Variants in KAZN observed in about 807,000 individuals in gnomAD.
KAZN encodes the protein kazrin, periplakin interacting protein.
A neutral mutation model predicts 87.4 loss-of-function variants in KAZN; 40 were observed. That is an observed-to-expected ratio of 0.46 (90% CI 0.36 to 0.60). KAZN has a LOEUF of 0.60. KAZN is among the 20% of genes least tolerant of loss of function. The pLI, the probability that KAZN is intolerant of heterozygous loss-of-function variation, is 0.00. For missense variants in KAZN, 898 were observed against 1,073.9 expected (o/e 0.84, Z 2.29); for synonymous variants, 466 against 458.3 (o/e 1.02, Z -0.22).
chr1:14,335,091 C>T (rs1657137622), intron 2 of KAZN, among the ~76,000 whole-genome samples: 1 of 144,112 alleles, frequency 6.9e-6, no homozygotes, highest in Admixed American at 7.4e-5. Context: ...GCGGATCCCT[C>T]ATGAATGACT....
chr1:14,399,394 T>C (rs1425393312), intron 2 of KAZN, among the ~76,000 whole-genome samples: 3 of 152,118 alleles, frequency 2.0e-5, no homozygotes, highest in African/African-American at 4.8e-5. Flanking sequence ...ACCAACTACA[T>C]GTCTTAGGTA....
chr1:15,027,025 A>G (rs1349577326), intron 2 of KAZN, among the ~76,000 whole-genome samples: 8 of 148,930 alleles, frequency 5.4e-5, no homozygotes, highest in Admixed American at 6.7e-5. Flanking sequence ...CAGATGAGGA[A>G]ACTGAGGCTT....
chr1:14,694,372 G>T (rs1055131747), intron 1 of KAZN, among the ~76,000 whole-genome samples: 1 of 152,242 alleles, frequency 6.6e-6, no homozygotes, highest in Non-Finnish European at 1.5e-5. Flanking sequence ...TTAAGTTGGA[G>T]GGTAAGGTAG....
At chr1:13,925,095 C>T (rs1318368598) in intron 1 of KAZN, among the ~76,000 whole-genome samples, 1 of 152,170 alleles carries the variant, frequency 6.6e-6, no homozygotes, top group African/African-American at 2.4e-5. Context: ...AGATTCCTTC[C>T]ACCCCGGGCG....
chr1:14,042,944 T>G (rs191063249), intron 1 of KAZN, among the ~76,000 whole-genome samples: 1 of 152,310 alleles, frequency 6.6e-6, no homozygotes, highest in African/African-American at 2.4e-5. Context: ...ATACAAAACA[T>G]AAAATTTACC....
In KAZN at chr1:14,991,443, A is replaced by G. The variant is rs370648808; in HGVS notation, c.418+30568A>G. ...CAGAGCTACAAGCCACCCAGCATACAGGACTTTGTCACAGTGGCCCTGTCA... is the reference window on the plus strand; with the variant it reads ...CAGAGCTACAAGCCACCCAGCATACGGGACTTTGTCACAGTGGCCCTGTCA... On this transcript the variant is annotated intron_variant, in intron 2 of 14. Coordinates refer to ENST00000376030, the MANE Select transcript of KAZN (RefSeq NM_201628.3). Among the ~76,000 whole-genome samples the G allele has an allele frequency of 2.7e-4, 41 of 152,298 alleles. No homozygotes were observed. The East Asian group carries it at 7.3e-3, about 27-fold the overall frequency.
At chr1:14,747,662 A>G in intron 1 of KAZN, among the ~76,000 whole-genome samples, 2 of 152,380 alleles carry the variant, frequency 1.3e-5, no homozygotes, top group Middle Eastern at 6.8e-3. Context: ...TAATGCTGTT[A>G]TGAACATTAA....
chr1:14,232,573 C>CA, intron 2 of KAZN, among the ~76,000 whole-genome samples: 1 of 152,246 alleles, frequency 6.6e-6, no homozygotes, highest in East Asian at 1.9e-4. Flanking sequence ...ATTGCTTCTT[C>CA]ATAGCTCCTT....
chr1:14,548,136 C>A (rs1673282936), intron 2 of KAZN, among the ~76,000 whole-genome samples: 2 of 151,258 alleles, frequency 1.3e-5, no homozygotes, highest in Admixed American at 1.3e-4. Context: ...CCACCCTGGG[C>A]TGCATGTGGC....
chr1:14,905,638 G>A (rs56978252), intron 1 of KAZN, among the ~76,000 whole-genome samples: 4,315 of 152,202 alleles, frequency 0.028, 203 homozygotes, highest in African/African-American at 0.097. Context: ...AAGGTCAGGA[G>A]ATCGAGACCA....
chr1:15,065,950 C>T, intron 8 of KAZN, 197 bp downstream of exon 8: 3 of 1,398,098 alleles, frequency 2.1e-6, no homozygotes, highest in Non-Finnish European at 2.8e-6. Context: ...GCGCCTCTAA[C>T]AAGTGAAAAC....
chr1:14,381,663 A>C (rs1352140553), intron 2 of KAZN, among the ~76,000 whole-genome samples: 1 of 152,214 alleles, frequency 6.6e-6, no homozygotes, highest in East Asian at 1.9e-4. Flanking sequence ...CTAGGTATAG[A>C]AGGAACATAA....
intron 1 of KAZN, among the ~76,000 whole-genome samples, chr1:13,901,396 C>T (rs998858661): frequency 2.0e-5 from 3 of 152,130 alleles, no homozygotes; most frequent in East Asian, 3.9e-4. Flanking sequence ...AAGACAGTCA[C>T]GGGAAGAAGC....
intron 1 of KAZN, among the ~76,000 whole-genome samples, chr1:14,015,680 G>A (rs1640538743): frequency 6.7e-6 from 1 of 149,034 alleles, no homozygotes. Flanking sequence ...GGAGGCTGAG[G>A]CAGGTGGATC....
chr1:14,305,042 G>C (rs887698567), intron 2 of KAZN, among the ~76,000 whole-genome samples: 1 of 151,708 alleles, frequency 6.6e-6, no homozygotes, highest in Non-Finnish European at 1.5e-5. Context: ...TGTCTCCTCT[G>C]CTTTTCCACA....
chr1:15,106,705 C>T (rs1299384949), intron 13 of KAZN, among the ~76,000 whole-genome samples: 4 of 152,132 alleles, frequency 2.6e-5, no homozygotes, highest in South Asian at 2.1e-4. Flanking sequence ...CCCAATATGA[C>T]GTCATCTCTA....
At chr1:14,458,991 A>G (rs1667711972) in intron 2 of KAZN, among the ~76,000 whole-genome samples, 1 of 152,186 alleles carries the variant, frequency 6.6e-6, no homozygotes, top group African/African-American at 2.4e-5. Context: ...GAGGGAAGCT[A>G]TGGCAACCCT....
intron 2 of KAZN, among the ~76,000 whole-genome samples, chr1:14,225,965 T>C (rs1647263335): frequency 6.6e-6 from 1 of 152,132 alleles, no homozygotes; most frequent in South Asian, 2.1e-4. Context: ...GACTTCATGA[T>C]GAAGACTCCA....
chr1:14,459,308 A>G (rs1222042844), intron 2 of KAZN, among the ~76,000 whole-genome samples: 1 of 151,754 alleles, frequency 6.6e-6, no homozygotes, highest in Non-Finnish European at 1.5e-5. Context: ...CATTTGCACA[A>G]GCCCATGTGT....
Sources: gnomAD v4.1 joint callset for allele counts (sites outside exome capture counted in the v4.1 genomes callset) on GRCh38, gnomAD v4.1.1 for gene constraint, MANE v1.5 for transcripts, NCBI Gene and HGNC (gene_info 2026-07-23, HGNC 2026-07-21) for gene names.